The following CRMP1 variants were observed in gnomAD, a reference collection of about 807,000 sequenced individuals.
CRMP1 encodes the protein dihydropyrimidinase-related protein 1.
CRMP1 carries 19 observed loss-of-function variants against 68.3 expected under a neutral mutation model. That is an observed-to-expected ratio of 0.28 (90% CI 0.19 to 0.41). The LOEUF (loss-of-function observed/expected upper bound fraction) is 0.41. CRMP1 is among the 10% of genes least tolerant of loss of function. The probability of loss-of-function intolerance (pLI) is 1.00; values close to 1 mark genes in which losing one functional copy is unlikely to be tolerated. For synonymous variants in CRMP1, 439 were observed against 399.6 expected (o/e 1.10, Z -1.18); for missense variants, 791 against 967.4 (o/e 0.82, Z 2.42).
intron 5 of CRMP1, 34 bp downstream of exon 5, chr4:5,851,374 A>C: frequency 6.2e-7 from 1 of 1,604,056 alleles, no homozygotes. Flanking sequence ...TCCTGCCCAG[A>C]CAAGAGAGGA....
chr4:5,828,295 GTCC>G, intron 12 of CRMP1, 191 bp downstream of exon 12: 1 of 984,800 alleles, frequency 1.0e-6, no homozygotes, highest in Non-Finnish European at 1.2e-6. Flanking sequence ...GAACTTGCAT[GTCC>G]TCATTTGATG....
rs1053494911 is a variant in CRMP1 at position 5,843,183 on chromosome 4, G to C, written c.964-22C>G. 1 of 1,613,752 alleles carries C rather than the reference G, an allele frequency of 6.2e-7. No homozygotes were observed. The highest frequency in any genetic ancestry group is 1.3e-5 in the African/African-American group (1 of 74,920). The stretch of plus-strand genomic sequence containing the variant: ...GTTCCTACAAGACAAGAACAAGTGA[G>C]TTAACGATTAGAGGGTGTCAGAGCT... On this transcript the variant is annotated intron_variant, in intron 6 of 13. Transcript: ENST00000324989. The surrounding 1 kb of genome is among the most constrained non-coding windows in gnomAD (Gnocchi z 4.1).
intron 1 of CRMP1, chr4:5,887,812 A>G: frequency 1.0e-6 from 1 of 993,238 alleles, no homozygotes; most frequent in Non-Finnish European, 1.2e-6. Flanking sequence ...TGTGGGGTGC[A>G]TGGGCCGGAC....
chr4:5,892,819 C>T lies in CRMP1; in HGVS notation c.151G>A (p.Asp51Asn). ...GAYENKTIDF[D>N]AYSVGRRGSA... ...CCGCGGCGGCCCACACTGTAGGCGT[C>T]GAAGTCGATGGTCTTGTTCTCGTAG... Residue 51 changes from aspartate (D) to asparagine (N), a missense_variant, in exon 1 of 14, where the codon GAC (aspartate) becomes AAC (asparagine). By Grantham distance (23) the Asp-to-Asn change is conservative. Around this residue, in one of 3 missense-constraint regions of CRMP1, gnomAD observed 193 missense variants for 186.3 expected, o/e 1.04. Transcript: ENST00000324989. The surrounding 1 kb of genome is among the most constrained non-coding windows in gnomAD (Gnocchi z 8.6). 5 of 1,400,580 alleles carry T rather than the reference C, an allele frequency of 3.6e-6. No individual in the cohort carries two copies. The highest frequency in any genetic ancestry group is 3.8e-6 in the Non-Finnish European group (4 of 1,064,792). The allele number at this position is 1,400,580 out of a possible 1,614,324, so 86.8% of individuals were successfully genotyped here. A position where few individuals can be genotyped will look rare whatever the true frequency, so the allele number is the denominator to read the frequency against.
chr4:5,887,326 C>A, intron 1 of CRMP1: 5 of 982,042 alleles, frequency 5.1e-6, no homozygotes, highest in Non-Finnish European at 6.0e-6. Context: ...CCTCTGGAGT[C>A]ACCCTGGAGG....
chr4:5,826,005 A>G (rs1719548112), intron 12 of CRMP1: 3 of 349,888 alleles, frequency 8.6e-6, no homozygotes, highest in Middle Eastern at 7.9e-4. Flanking sequence ...ACACGCGTGA[A>G]CACGCACACA....
chr4:5,887,604 G>C (rs1715684035), intron 1 of CRMP1: 1 of 984,868 alleles, frequency 1.0e-6, no homozygotes, highest in African/African-American at 1.7e-5. Flanking sequence ...TCGCGGCCCA[G>C]CGTCGGGAAC....
chr4:5,832,428 G>A (rs1432083655), intron 11 of CRMP1, among the ~76,000 whole-genome samples: 1 of 152,128 alleles, frequency 6.6e-6, no homozygotes, highest in Non-Finnish European at 1.5e-5. Context: ...CACAAAGATA[G>A]GAAAGAATAA....
At chr4:5,846,191 G>C (rs1712184162) in intron 6 of CRMP1, among the ~76,000 whole-genome samples, 1 of 152,192 alleles carries the variant, frequency 6.6e-6, no homozygotes, top group African/African-American at 2.4e-5. Flanking sequence ...AGCTACTCAG[G>C]AGGCTGAGGC....
intron 12 of CRMP1, among the ~76,000 whole-genome samples, chr4:5,827,283 T>C (rs564544939): frequency 2.0e-5 from 3 of 152,278 alleles, no homozygotes; most frequent in African/African-American, 7.2e-5. Flanking sequence ...CAGCCAGGGA[T>C]TTCCATGAGT....
rs940268072 is a variant in CRMP1 at position 5,838,630 on chromosome 4, T to A, written c.1310+892A>T. ...ACTAGCAGCTTTATGGGGGAAGATC[T>A]GCAGTTCTTTGTAAACGTGAGCTGC... On this transcript the variant is annotated intron_variant, in intron 9 of 13. Coordinates refer to ENST00000324989, the MANE Select transcript of CRMP1 (RefSeq NM_001014809.3). This position sits in a 1 kb window ranked among gnomAD's most constrained non-coding sequence, Gnocchi z 4.9. Among the ~76,000 whole-genome samples the A allele has an allele frequency of 3.9e-5, 6 of 152,122 alleles. No homozygotes were observed. The highest frequency in any genetic ancestry group is 1.4e-4 in the African/African-American group (6 of 41,436).
At chr4:5,826,277 G>A (rs1331210079) in intron 12 of CRMP1, 2 of 153,118 alleles carry the variant, frequency 1.3e-5, no homozygotes, top group Non-Finnish European at 2.9e-5. Flanking sequence ...CCATCTTCAT[G>A]TATGTTCTTG....
intron 1 of CRMP1, among the ~76,000 whole-genome samples, chr4:5,886,836 C>G (rs765243225): frequency 1.3e-5 from 2 of 152,224 alleles, no homozygotes; most frequent in Non-Finnish European, 2.9e-5. Flanking sequence ...TCTAGTGATT[C>G]TTGACCAACT....
rs1711763619 is a variant in CRMP1, at chr4:5,841,954, A to G, written c.1033-526T>C. Among the ~76,000 whole-genome samples, 2 of 152,184 alleles carry G rather than the reference A, an allele frequency of 1.3e-5. No homozygotes were observed. Among genetic ancestry groups the G allele is most frequent in the African/African-American group, 4.8e-5 (2 of 41,444 alleles). ...CCAGCACTTTGGGAGGCCAAGACGG[A>G]TGGATCACTTGAGGTCGGAAGTTTC... is the stretch of plus-strand genomic sequence containing the variant. On this transcript the variant is annotated intron_variant, in intron 7 of 13. Coordinates refer to ENST00000324989, the MANE Select transcript of CRMP1 (RefSeq NM_001014809.3). The surrounding 1 kb of genome is among the most constrained non-coding windows in gnomAD (Gnocchi z 6.9).
intron 4 of CRMP1, among the ~76,000 whole-genome samples, chr4:5,852,547 A>C (rs1369229252): frequency 1.3e-5 from 2 of 152,098 alleles, no homozygotes; most frequent in Non-Finnish European, 2.9e-5. Flanking sequence ...ACAAACACTT[A>C]CTGAGAGCCT....
Position 5,879,855 on chromosome 4 carries a change from C to CAAA in CRMP1, c.381+12731_381+12733dup, listed in dbSNP as rs113231255. On this transcript the variant is annotated intron_variant, in intron 1 of 13. Coordinates refer to ENST00000324989, the MANE Select transcript of CRMP1 (RefSeq NM_001014809.3). This position sits in a 1 kb window ranked among gnomAD's most constrained non-coding sequence, Gnocchi z 4.2. ...CTGCATGTTCAGAAATAAAATATAGCAAAAAAAAAAATGAGACGAAAGGAA... is the reference window on the plus strand; with the variant it reads ...CTGCATGTTCAGAAATAAAATATAGCAAAAAAAAAAAAAATGAGACGAAAGGAA... 1.4e-3 allele frequency among the ~76,000 whole-genome samples: 185 copies of CAAA among 136,186 alleles called. 2 individuals carry two copies. The highest frequency in any genetic ancestry group is 4.4e-3 in the South Asian group (19 of 4,274). The allele number at this position is 136,186 out of a possible 152,430, so 89.3% of individuals were successfully genotyped here.
intron 2 of CRMP1, among the ~76,000 whole-genome samples, chr4:5,864,619 A>C (rs1713849459): frequency 6.6e-6 from 1 of 152,228 alleles, no homozygotes. Flanking sequence ...ATGCAGTGTG[A>C]CAGTGGCTGC....
At chr4:5,829,017 T>C (rs940416761) in intron 11 of CRMP1, among the ~76,000 whole-genome samples, 12 of 150,794 alleles carry the variant, frequency 8.0e-5, no homozygotes, top group Non-Finnish European at 1.3e-4. Context: ...TTAAAATGTG[T>C]CTTTAAATAA....
rs1716003012 is a variant in CRMP1 at position 5,892,638 on chromosome 4, A to G, written c.332T>C (p.Ile111Thr). Residue 111 changes from isoleucine (I) to threonine (T), a missense_variant, in exon 1 of 14, where the codon ATC (isoleucine) becomes ACC (threonine). This residue lies in a region of CRMP1 where 193 missense variants were observed against 186.3 expected (regional missense o/e 1.04). Transcript: ENST00000324989. The surrounding 1 kb of genome is among the most constrained non-coding windows in gnomAD (Gnocchi z 8.6). Reference protein sequence around the residue: ...ERDERPPTLRIRRPAPRDLPL... With the variant: ...ERDERPPTLRTRRPAPRDLPL... ...CAGGTCGCGGGGCGCGGGGCGGCGG[A>G]TGCGCAGCGTCGGCGGCCGCTCGTC... The G allele has an allele frequency of 6.0e-5, 72 of 1,192,852 alleles. No individual in the cohort carries two copies. Among genetic ancestry groups the G allele is most frequent in the Non-Finnish European group, 7.3e-5 (70 of 963,130 alleles). 73.9% of individuals were successfully genotyped at this position (1,192,852 alleles called of 1,614,324 possible).
Sources: gnomAD v4.1 joint callset for allele counts (sites outside exome capture counted in the v4.1 genomes callset) on GRCh38, gnomAD v4.1.1 for gene constraint, gnomAD v4.1.1 regional missense constraint, Gnocchi (gnomAD v3.1) non-coding constraint, MANE v1.5 for transcripts, NCBI Gene and HGNC (gene_info 2026-07-23, HGNC 2026-07-21) for gene names.